RELN: variants seen among roughly 807,000 people sequenced by gnomAD.
RELN encodes reelin.
A neutral mutation model predicts 427.6 loss-of-function variants in RELN; 108 were observed. That is an observed-to-expected ratio of 0.25 (90% CI 0.22 to 0.30). RELN has a LOEUF of 0.30. Among genes scored for constraint, RELN ranks in the 10% least tolerant of loss-of-function variants. The pLI is 1.00. For missense variants in RELN, 3,715 were observed against 4,302.8 expected (o/e 0.86, Z 3.82); for synonymous variants, 1,524 against 1,513.4 (o/e 1.01, Z -0.16).
chr7:103,593,598 T>C (rs1012135705), intron 27 of RELN, 84 bp downstream of exon 27: 15 of 1,179,296 alleles, frequency 1.3e-5, no homozygotes, highest in Non-Finnish European at 1.8e-5. Context: ...ATGAAAAATT[T>C]GTGTTCTTTG....
chr7:103,495,259 G>A (rs921014033), intron 57 of RELN, among the ~76,000 whole-genome samples: 1 of 148,258 alleles, frequency 6.7e-6, no homozygotes, highest in Non-Finnish European at 1.5e-5. Context: ...AGGTTTCAGC[G>A]ATTATTATTT....
At chr7:103,892,374 A>G (rs1204903691) in intron 2 of RELN, among the ~76,000 whole-genome samples, 1 of 152,196 alleles carries the variant, frequency 6.6e-6, no homozygotes, top group Non-Finnish European at 1.5e-5. Context: ...CACATGTGAC[A>G]GCACCCACTA....
intron 1 of RELN, among the ~76,000 whole-genome samples, chr7:103,950,035 A>T (rs1345961142): frequency 6.6e-6 from 1 of 152,226 alleles, no homozygotes; most frequent in African/African-American, 2.4e-5. Flanking sequence ...TTTCTTTTTC[A>T]CAGTTCTGGA....
chr7:103,875,270 G>A (rs1030001741), intron 2 of RELN, among the ~76,000 whole-genome samples: 10 of 150,080 alleles, frequency 6.7e-5, no homozygotes, highest in Non-Finnish European at 1.3e-4. Context: ...AGAAAACCTA[G>A]GCATTACCAT....
chr7:103,921,848 C>G (rs1362331813), intron 1 of RELN, among the ~76,000 whole-genome samples: 1 of 114,114 alleles, frequency 8.8e-6, no homozygotes, highest in East Asian at 3.5e-4. Context: ...CTGCTCTTAC[C>G]TAGAATGACC....
intron 1 of RELN, among the ~76,000 whole-genome samples, chr7:103,949,584 T>C (rs1796294345): frequency 6.7e-6 from 1 of 149,784 alleles, no homozygotes; most frequent in Non-Finnish European, 1.5e-5. Flanking sequence ...AGCACCTTGA[T>C]CTTGGACTTC....
At chr7:103,749,228 T>C (rs180838421) in intron 6 of RELN, among the ~76,000 whole-genome samples, 198 bp downstream of exon 6, 5 of 152,230 alleles carry the variant, frequency 3.3e-5, no homozygotes, top group South Asian at 2.1e-4. Flanking sequence ...GAGGAGAACC[T>C]GGATTCAGTT....
chr7:103,658,330 C>T (rs1833066436), intron 12 of RELN, among the ~76,000 whole-genome samples: 1 of 152,128 alleles, frequency 6.6e-6, no homozygotes, highest in South Asian at 2.1e-4. Context: ...TCCAGATTAA[C>T]AATCAGTCTG....
intron 27 of RELN, among the ~76,000 whole-genome samples, chr7:103,592,430 G>T (rs1485280055): frequency 6.6e-6 from 1 of 152,096 alleles, no homozygotes; most frequent in East Asian, 1.9e-4. Context: ...TCTTTATCCA[G>T]TCTACCACAG....
chr7:103,922,451 A>T (rs533396161), intron 1 of RELN, among the ~76,000 whole-genome samples: 1 of 152,150 alleles, frequency 6.6e-6, no homozygotes, highest in Non-Finnish European at 1.5e-5. Context: ...CATTTCCTCA[A>T]ATAAAATATA....
At chr7:103,817,424 G>C (rs906471008) in intron 3 of RELN, among the ~76,000 whole-genome samples, 1 of 152,122 alleles carries the variant, frequency 6.6e-6, no homozygotes, top group Non-Finnish European at 1.5e-5. Context: ...TTGAGATAAG[G>C]CTCTGCTTTT....
chr7:103,701,991 C>T (rs574950906), intron 8 of RELN, among the ~76,000 whole-genome samples: 1 of 152,284 alleles, frequency 6.6e-6, no homozygotes, highest in East Asian at 1.9e-4. Context: ...TAGTACAAAA[C>T]CAGTTAGTTT....
At chr7:103,744,610 A>G (rs1790766299) in intron 6 of RELN, among the ~76,000 whole-genome samples, 1 of 152,238 alleles carries the variant, frequency 6.6e-6, no homozygotes, top group Non-Finnish European at 1.5e-5. Context: ...AGAAATACAA[A>G]CTACCATCAG....
chr7:103,839,203 A>G (rs1793489015), intron 2 of RELN, among the ~76,000 whole-genome samples: 1 of 152,094 alleles, frequency 6.6e-6, no homozygotes, highest in Non-Finnish European at 1.5e-5. Flanking sequence ...AACACAAAAT[A>G]ACCTATCCTC....
chr7:103,943,159 AC>A (rs1191822077), intron 1 of RELN, among the ~76,000 whole-genome samples: 1 of 152,134 alleles, frequency 6.6e-6, no homozygotes, highest in Non-Finnish European at 1.5e-5. Flanking sequence ...ATCATTGAAA[AC>A]CTAGTTTTCT....
chr7:103,838,477 A>T (rs112440748), intron 2 of RELN, among the ~76,000 whole-genome samples: 1 of 152,156 alleles, frequency 6.6e-6, no homozygotes, highest in African/African-American at 2.4e-5. Flanking sequence ...TAAGCTGAAT[A>T]CTGAGACAAA....
chr7:103,489,203 GGTGT>G (rs3051647), intron 60 of RELN, among the ~76,000 whole-genome samples: 15 of 147,748 alleles, frequency 1.0e-4, no homozygotes, highest in African/African-American at 1.5e-4. Flanking sequence ...GTCATAAAGG[GGTGT>G]GTGTGTGTGT....
intron 8 of RELN, among the ~76,000 whole-genome samples, chr7:103,703,158 C>G (rs1048134531): frequency 3.3e-5 from 5 of 152,148 alleles, no homozygotes; most frequent in African/African-American, 1.2e-4. Flanking sequence ...AAGGTACCAG[C>G]TGGAAGGAGC....
chr7:103,804,155 A>T (rs1478149267), intron 3 of RELN, among the ~76,000 whole-genome samples: 2 of 152,060 alleles, frequency 1.3e-5, no homozygotes, highest in Non-Finnish European at 2.9e-5. Flanking sequence ...CATATCTTTA[A>T]TCTTTCTATC....
Sources: allele counts gnomAD v4.1 joint callset (sites outside exome capture counted in the v4.1 genomes callset), GRCh38; gene constraint gnomAD v4.1.1; transcripts MANE v1.5; gene names NCBI Gene and HGNC (gene_info 2026-07-23, HGNC 2026-07-21).